SDK1: variants seen among roughly 807,000 people sequenced by gnomAD.
The protein encoded by SDK1 is sidekick cell adhesion molecule 1.
Under a neutral mutation model 245.5 loss-of-function variants are expected in SDK1, and 157 were observed. The observed-to-expected ratio is 0.64, with a 90% CI of 0.56 to 0.73. The LOEUF is 0.73. Ranked by LOEUF, SDK1 falls within the 30% of genes least tolerant of loss-of-function variation. The pLI, the probability that SDK1 is intolerant of heterozygous loss-of-function variation, is 0.00. For missense variants in SDK1, 3,583 were observed against 3,002.3 expected, an observed-to-expected ratio of 1.19 and a Z score of -4.52; for synonymous variants, 1,647 against 1,278.5, an observed-to-expected ratio of 1.29 and a Z score of -6.15.
At chr7:4,230,295 A>T (rs1327188328) in intron 40 of SDK1, among the ~76,000 whole-genome samples, 2 of 150,390 alleles carry the variant, frequency 1.3e-5, no homozygotes, top group Non-Finnish European at 1.5e-5. Flanking sequence ...GGGTGGATGG[A>T]TGAATGAATT....
At chr7:4,112,042 G>T (rs1783384121) in intron 23 of SDK1, among the ~76,000 whole-genome samples, 1 of 152,186 alleles carries the variant, frequency 6.6e-6, no homozygotes, top group Admixed American at 6.5e-5. Flanking sequence ...AGTTTATTCT[G>T]CCAAGGTTGA....
intron 4 of SDK1, among the ~76,000 whole-genome samples, chr7:3,792,216 C>T (rs994547627): frequency 1.3e-5 from 2 of 152,044 alleles, no homozygotes. Context: ...CCATTCCAGC[C>T]CCCCACTTCC....
intron 5 of SDK1, among the ~76,000 whole-genome samples, chr7:3,861,687 A>T (rs1780695600): frequency 6.6e-6 from 1 of 152,194 alleles, no homozygotes; most frequent in Admixed American, 6.5e-5. Flanking sequence ...AGCCTGAAGT[A>T]ATTCACCAAG....
intron 1 of SDK1, among the ~76,000 whole-genome samples, chr7:3,559,692 A>C (rs1032081844): frequency 6.6e-6 from 1 of 151,944 alleles, no homozygotes; most frequent in Non-Finnish European, 1.5e-5. Flanking sequence ...TAGTTTTTAA[A>C]TCATAAATAT....
intron 2 of SDK1, among the ~76,000 whole-genome samples, chr7:3,621,641 A>C (rs1781942437): frequency 6.6e-6 from 1 of 152,152 alleles, no homozygotes; most frequent in Admixed American, 6.5e-5. Context: ...TGTAGGCACC[A>C]AGCCATTTCT....
At chr7:4,178,099 C>G (rs1782344678) in intron 34 of SDK1, among the ~76,000 whole-genome samples, 1 of 152,204 alleles carries the variant, frequency 6.6e-6, no homozygotes, top group African/African-American at 2.4e-5. Context: ...GAGCAACTGT[C>G]AATACCAGTG....
intron 4 of SDK1, among the ~76,000 whole-genome samples, chr7:3,654,086 G>C (rs1783087117): frequency 6.6e-6 from 1 of 152,190 alleles, no homozygotes; most frequent in East Asian, 1.9e-4. Flanking sequence ...GTAACTTAGA[G>C]AGGACGTGGG....
Position 3,526,339 on chromosome 7 carries a change from A to T in SDK1, c.299-92741A>T, listed in dbSNP as rs112918488. On this transcript the variant is annotated intron_variant, in intron 1 of 44. Coordinates refer to ENST00000404826, the MANE Select transcript of SDK1 (RefSeq NM_152744.4). The stretch of plus-strand genomic sequence containing the variant: ...ATTTTTTAATTAGGATACCTATTTT[A>T]TTGTAATCTGGCAATATTTTTCACA... Among the ~76,000 whole-genome samples the T allele has an allele frequency of 8.6e-3, 1,302 of 152,190 alleles. 23 individuals carry two copies. Among genetic ancestry groups the T allele is most frequent in the African/African-American group, 0.029 (1,223 of 41,536 alleles).
intron 32 of SDK1, among the ~76,000 whole-genome samples, chr7:4,173,494 C>T (rs1232950066): frequency 6.6e-6 from 1 of 152,216 alleles, no homozygotes; most frequent in Non-Finnish European, 1.5e-5. Flanking sequence ...GTTTAGATTC[C>T]AGCAAGACCT....
chr7:3,541,218 G>A (rs1476046701), intron 1 of SDK1, among the ~76,000 whole-genome samples: 1 of 152,210 alleles, frequency 6.6e-6, no homozygotes, highest in Non-Finnish European at 1.5e-5. Flanking sequence ...TATGTTAATT[G>A]TCGAGAGTTT....
rs181750887 is a variant in SDK1, at chr7:4,206,986, A to T, written c.5214+992A>T. Among the ~76,000 whole-genome samples, 17 of 152,354 alleles carry T rather than the reference A, an allele frequency of 1.1e-4. 1 individual carries two copies. Among genetic ancestry groups the T allele is most frequent in the Admixed American group, 2.0e-4 (3 of 15,302 alleles). On this transcript the variant is annotated intron_variant, in intron 36 of 44. Coordinates refer to ENST00000404826, the MANE Select transcript of SDK1 (RefSeq NM_152744.4). Reference sequence around the variant, plus strand: ...CTTGGAGGCATGGCGCTATTTATGTATGTCCAAAATATGTTTTCTAATTTC... The same window carrying T: ...CTTGGAGGCATGGCGCTATTTATGTTTGTCCAAAATATGTTTTCTAATTTC...
chr7:4,236,402 A>AT (rs1379813017), intron 41 of SDK1, among the ~76,000 whole-genome samples: 3 of 151,924 alleles, frequency 2.0e-5, no homozygotes, highest in Non-Finnish European at 4.4e-5. Flanking sequence ...CTTTACATGC[A>AT]TTTTTTTCTA....
chr7:4,114,067 C>T lies in SDK1; in HGVS notation c.3616C>T (p.Pro1206Ser). Reference sequence around the variant, plus strand: ...GCCGGATTCTCAGTACAACGGGAACCCCGAGTCCGTGGGCTACAGGATTAA... The same window carrying T: ...GCCGGATTCTCAGTACAACGGGAACTCCGAGTCCGTGGGCTACAGGATTAA... ...PLPDSQYNGN[P>S]ESVGYRIKYW... is the part of the protein sequence containing the mutation. Residue 1206 changes from proline to serine, a missense_variant, in exon 25 of 45, where the codon CCC (proline) becomes TCC (serine). Transcript: ENST00000404826. The T allele has an allele frequency of 1.9e-6, 3 of 1,614,194 alleles. No individual in the cohort carries two copies. The highest frequency in any genetic ancestry group is 1.1e-5 in the South Asian group (1 of 91,084).
chr7:3,880,500 C>T (rs1223031198), intron 5 of SDK1, among the ~76,000 whole-genome samples: 1 of 148,688 alleles, frequency 6.7e-6, no homozygotes, highest in African/African-American at 2.5e-5. Flanking sequence ...AAAAGTGCAG[C>T]GATGCGCAGA....
chr7:3,512,873 T>G (rs1265943042), intron 1 of SDK1, among the ~76,000 whole-genome samples: 1 of 152,194 alleles, frequency 6.6e-6, no homozygotes, highest in African/African-American at 2.4e-5. Flanking sequence ...ATTATGTCAT[T>G]GTAACAGGTA....
intron 4 of SDK1, among the ~76,000 whole-genome samples, chr7:3,718,701 G>A (rs1280957388): frequency 2.0e-5 from 3 of 152,092 alleles, no homozygotes; most frequent in Non-Finnish European, 4.4e-5. Context: ...TTAGTGGTGA[G>A]AAGGTGAATG....
At chr7:3,700,855 T>C (rs1440069024) in intron 4 of SDK1, among the ~76,000 whole-genome samples, 1 of 152,216 alleles carries the variant, frequency 6.6e-6, no homozygotes, top group Non-Finnish European at 1.5e-5. Flanking sequence ...CCCTTATTTC[T>C]ATTTTTTTGG....
At chr7:3,580,976 AAAAAAAAAAAAAAAAAAACCAAAAC>A (rs911243965) in intron 1 of SDK1, among the ~76,000 whole-genome samples, 17 of 123,916 alleles carry the variant, frequency 1.4e-4, no homozygotes, top group African/African-American at 6.0e-4. Context: ...CTCAAAAAAA[AAAAAAAAAAAAAAAAAAACCAAAAC>A]AAAACCCTGG....
At chr7:4,175,857 G>T in intron 34 of SDK1, 23 bp downstream of exon 34, 1 of 1,606,832 alleles carries the variant, frequency 6.2e-7, no homozygotes. Flanking sequence ...TCAGCGGGAG[G>T]CCCATGCCGC....
Sources: gnomAD v4.1 joint callset for allele counts (sites outside exome capture counted in the v4.1 genomes callset) on GRCh38, gnomAD v4.1.1 for gene constraint, MANE v1.5 for transcripts, NCBI Gene and HGNC (gene_info 2026-07-23, HGNC 2026-07-21) for gene names.